Variants in PDS5A observed in about 807,000 individuals in gnomAD.
The protein encoded by PDS5A is sister chromatid cohesion protein PDS5 homolog A.
A neutral mutation model predicts 167.1 loss-of-function variants in PDS5A; 42 were observed. That is an observed-to-expected ratio of 0.25 (90% confidence interval 0.20 to 0.33). The LOEUF is 0.33. PDS5A is among the 10% of genes least tolerant of loss of function. The pLI is 1.00. For missense variants in PDS5A, 1,033 were observed against 1,605.9 expected (o/e 0.64, Z 6.10); for synonymous variants, 553 against 554.6 (o/e 1.00, Z 0.04).
rs1211824574 is a variant in PDS5A, at chr4:39,824,851, A to G, written c.*634T>C. 2 of 152,672 alleles carry G rather than the reference A, an allele frequency of 1.3e-5. No individual in the cohort carries two copies. Among genetic ancestry groups the G allele is most frequent in the Non-Finnish European group, 2.9e-5 (2 of 68,036 alleles). The allele number at this position is 152,672 out of a possible 1,614,324, so 9.5% of individuals were successfully genotyped here. ...TTTCTCACTCTGATAAAAATCAGAA[A>G]GCAACATTTATAAAATTGCTACCAC... On this transcript the variant is annotated 3_prime_UTR_variant, in exon 33 of 33. Transcript: ENST00000303538.
chr4:39,899,030 TAGA>T (rs1560465311), intron 14 of PDS5A, among the ~76,000 whole-genome samples: 1 of 151,932 alleles, frequency 6.6e-6, no homozygotes, highest in Non-Finnish European at 1.5e-5. Context: ...TTAAGACAAA[TAGA>T]AGGAAAGGAG....
intron 2 of PDS5A, among the ~76,000 whole-genome samples, chr4:39,938,598 C>T (rs1032158041): frequency 2.0e-5 from 3 of 151,966 alleles, no homozygotes; most frequent in African/African-American, 7.3e-5. Context: ...ATTTTAACAA[C>T]AGCAATGTGG....
chr4:39,869,610 G>T, intron 21 of PDS5A, 148 bp from the exon 22 acceptor site: 1 of 634,076 alleles, frequency 1.6e-6, no homozygotes, highest in East Asian at 2.6e-5. Flanking sequence ...AAAGTTAGAA[G>T]ACTCATACTT....
chr4:39,878,159 T>C (rs1359877698), intron 18 of PDS5A, among the ~76,000 whole-genome samples: 1 of 152,196 alleles, frequency 6.6e-6, no homozygotes, highest in African/African-American at 2.4e-5. Flanking sequence ...ATGGTCTTCA[T>C]TAATTTTTCA....
chr4:39,960,327 A>G (rs1729365391), intron 2 of PDS5A, among the ~76,000 whole-genome samples: 1 of 152,162 alleles, frequency 6.6e-6, no homozygotes, highest in African/African-American at 2.4e-5. Flanking sequence ...GAAGTTACCA[A>G]CTTTTAAAAT....
intron 2 of PDS5A, among the ~76,000 whole-genome samples, chr4:39,930,215 C>CAAAAAAAAAAAAAAAAAAAAA (rs764983592): frequency 5.7e-5 from 2 of 35,090 alleles, no homozygotes; most frequent in Non-Finnish European, 9.5e-5. Context: ...GACTCCATCT[C>CAAAAAAAAAAAAAAAAAAAAA]AAAAAAAAAA....
intron 23 of PDS5A, among the ~76,000 whole-genome samples, chr4:39,864,180 C>T (rs562472253): frequency 6.6e-6 from 1 of 151,436 alleles, no homozygotes; most frequent in Non-Finnish European, 1.5e-5. Context: ...ATTAAAAAAA[C>T]CACAAAGAAT....
intron 32 of PDS5A, among the ~76,000 whole-genome samples, chr4:39,828,406 G>A (rs972899956): frequency 7.2e-5 from 11 of 152,138 alleles, no homozygotes; most frequent in African/African-American, 2.4e-4. Flanking sequence ...CCTATAGGTA[G>A]GAATCAAGCT....
At chr4:39,963,919 T>TCC (rs944713203) in intron 2 of PDS5A, among the ~76,000 whole-genome samples, 3 of 151,432 alleles carry the variant, frequency 2.0e-5, no homozygotes, top group Non-Finnish European at 4.4e-5. Context: ...AGCTTTTTTT[T>TCC]CCCCCCCAGA....
intron 2 of PDS5A, among the ~76,000 whole-genome samples, chr4:39,964,808 T>C (rs1328670110): frequency 6.6e-6 from 1 of 151,878 alleles, no homozygotes; most frequent in Non-Finnish European, 1.5e-5. Flanking sequence ...GTGGGCATGG[T>C]GGCACATGCC....
chr4:39,854,297 C>A (rs1458161339), intron 26 of PDS5A, among the ~76,000 whole-genome samples: 3 of 152,092 alleles, frequency 2.0e-5, no homozygotes, highest in African/African-American at 7.2e-5. Context: ...AACGAGACTC[C>A]ATCTCAAAAC....
intron 5 of PDS5A, among the ~76,000 whole-genome samples, chr4:39,924,276 G>A (rs1185565808): frequency 2.0e-5 from 3 of 152,140 alleles, no homozygotes; most frequent in Non-Finnish European, 4.4e-5. Context: ...CAACTGCCAA[G>A]CAGAATCATG....
chr4:39,954,670 T>TAAATAAAA (rs1553908181), intron 2 of PDS5A, among the ~76,000 whole-genome samples: 8 of 48,274 alleles, frequency 1.7e-4, no homozygotes, highest in Admixed American at 2.4e-4. Flanking sequence ...AAGAGATAAG[T>TAAATAAAA]AAAAAAAAAA....
In PDS5A at chr4:39,844,714, T is replaced by A; in HGVS notation, c.3490A>T (p.Thr1164Ser). 3 of 1,613,568 alleles carry A rather than the reference T, an allele frequency of 1.9e-6. No homozygotes were observed. Among genetic ancestry groups the A allele is most frequent in the Non-Finnish European group, 2.5e-6 (3 of 1,179,636 alleles). Residue 1164 changes from threonine (T) to serine (S), a missense_variant, in exon 30 of 33, where the codon ACT (threonine) becomes TCT (serine). Around this residue, in one of 4 missense-constraint regions of PDS5A, gnomAD observed 233 missense variants for 264.0 expected, o/e 0.88. Coordinates refer to ENST00000303538, the MANE Select transcript of PDS5A (RefSeq NM_001100399.2). ...KPYVRSTGTE[T>S]GSNINVNSEL... ...GAATTTACATTAATATTGCTTCCAGTCTCAGTGCCAGTGCTTCTAACATAG... is the reference window on the plus strand; with the variant it reads ...GAATTTACATTAATATTGCTTCCAGACTCAGTGCCAGTGCTTCTAACATAG...
In PDS5A at chr4:39,863,019, C is replaced by G. The variant is rs973419497; in HGVS notation, c.2821G>C (p.Val941Leu). ...TACTCCAATGGGAGCAGTAACTTCA[C>G]AAGTGCCTTATGCAGCTTCTGAGCA... ...IFAQKLHKAL[V>L]KLLLPLEYMA... Residue 941 changes from valine to leucine, a missense_variant, in exon 25 of 33, where the codon GTG becomes CTG. Physicochemically the swap from Val to Leu is conservative, Grantham distance 32. Around this residue, in one of 4 missense-constraint regions of PDS5A, gnomAD observed 367 missense variants for 686.7 expected, o/e 0.53. Coordinates refer to ENST00000303538, the MANE Select transcript of PDS5A (RefSeq NM_001100399.2). 1.2e-6 allele frequency: 2 copies of G among 1,613,788 alleles called. No individual in the cohort carries two copies. The highest frequency in any genetic ancestry group is 1.7e-6 in the Non-Finnish European group (2 of 1,179,742).
chr4:39,945,563 T>C (rs1213953594), intron 2 of PDS5A, among the ~76,000 whole-genome samples: 1 of 151,974 alleles, frequency 6.6e-6, no homozygotes, highest in Non-Finnish European at 1.5e-5. Context: ...GGAGGAATGC[T>C]TCCCCAAATG....
At chr4:39,914,182 G>A (rs1025744775) in intron 8 of PDS5A, among the ~76,000 whole-genome samples, 3 of 48,670 alleles carry the variant, frequency 6.2e-5, no homozygotes, top group African/African-American at 9.3e-5. Flanking sequence ...TTTTTTTTTT[G>A]AGGAGTCTTG....
chr4:39,916,823 G>A (rs1218280913), intron 8 of PDS5A, among the ~76,000 whole-genome samples: 3 of 151,562 alleles, frequency 2.0e-5, no homozygotes, highest in Non-Finnish European at 4.4e-5. Flanking sequence ...CCGAGACTGC[G>A]CCATTGCACT....
chr4:39,953,740 G>T (rs1462470267), intron 2 of PDS5A, among the ~76,000 whole-genome samples: 1 of 151,988 alleles, frequency 6.6e-6, no homozygotes, highest in African/African-American at 2.4e-5. Context: ...AAAAGAATAA[G>T]TAAAGTAAAA....
Sources: gnomAD v4.1 joint callset for allele counts (sites outside exome capture counted in the v4.1 genomes callset) on GRCh38, gnomAD v4.1.1 for gene constraint, gnomAD v4.1.1 regional missense constraint, MANE v1.5 for transcripts, NCBI Gene and HGNC (gene_info 2026-07-23, HGNC 2026-07-21) for gene names.